The following RGS7BP variants were observed in gnomAD, a reference collection of about 807,000 sequenced individuals.
RGS7BP encodes the protein regulator of G protein signaling 7 binding protein.
Under a neutral mutation model 31.3 loss-of-function variants are expected in RGS7BP, and 9 were observed. The observed-to-expected ratio is 0.29, with a 90% CI of 0.17 to 0.50. RGS7BP has a LOEUF of 0.50. Among genes scored for constraint, RGS7BP ranks in the 20% least tolerant of loss-of-function variants. The pLI is 0.98. For missense variants in RGS7BP, 274 were observed against 322.0 expected (o/e 0.85, Z 1.14); for synonymous variants, 115 against 120.1 (o/e 0.96, Z 0.28).
intron 2 of RGS7BP, among the ~76,000 whole-genome samples, chr5:64,534,254 G>A (rs957544360): frequency 1.4e-5 from 1 of 71,656 alleles, no homozygotes; most frequent in Non-Finnish European, 3.5e-5. Context: ...TGACAGACTG[G>A]AGTGTGGTGA....
rs1191560944 is a variant in RGS7BP at position 64,538,546 on chromosome 5, C to CTTTTTTTTT, written c.332+30689_332+30697dup. Among the ~76,000 whole-genome samples the CTTTTTTTTT allele has an allele frequency of 3.7e-4, 15 of 40,036 alleles. 1 individual carries two copies. Among genetic ancestry groups the CTTTTTTTTT allele is most frequent in the African/African-American group, 4.5e-4 (4 of 8,978 alleles). The allele number at this position is 40,036 out of a possible 152,430, so 26.3% of individuals were successfully genotyped here. A position where few individuals can be genotyped will look rare whatever the true frequency, so the allele number is the denominator to read the frequency against. On this transcript the variant is annotated intron_variant, in intron 2 of 5. Coordinates refer to ENST00000334025, the MANE Select transcript of RGS7BP (RefSeq NM_001029875.3). The stretch of plus-strand genomic sequence containing the variant: ...TTCTTTTCTTTTTTTTTTTCCTTTT[C>CTTTTTTTTT]TTTTTTTTTTTTTTTTTTTTTTTTT...
intron 5 of RGS7BP, among the ~76,000 whole-genome samples, chr5:64,600,417 T>C (rs753732193): frequency 3.2e-4 from 48 of 152,330 alleles, no homozygotes; most frequent in Admixed American, 1.1e-3. Context: ...TGGTCATTTA[T>C]AATCATAAAG....
intron 2 of RGS7BP, among the ~76,000 whole-genome samples, chr5:64,535,159 G>A (rs1365737455): frequency 6.6e-6 from 1 of 152,146 alleles, no homozygotes; most frequent in African/African-American, 2.4e-5. Flanking sequence ...TGGATTGGAG[G>A]GCTGAAGAGA....
chr5:64,506,362 C>A lies in RGS7BP; in HGVS notation c.-263C>A. ...CCGCGCCAGCGCCCAGCTCCCGGGA[C>A]AGGGTCGGCAATGCTGCTGAGCAGA... On this transcript the variant is annotated 5_prime_UTR_variant, in exon 1 of 6. Coordinates refer to ENST00000334025, the MANE Select transcript of RGS7BP (RefSeq NM_001029875.3). This position sits in a 1 kb window ranked among gnomAD's most constrained non-coding sequence, Gnocchi z 4.6. 1 of 349,974 alleles carries A rather than the reference C, an allele frequency of 2.9e-6. No homozygotes were observed. Among genetic ancestry groups the A allele is most frequent in the East Asian group, 4.2e-5 (1 of 23,650 alleles). 21.7% of individuals were successfully genotyped at this position (349,974 alleles called of 1,614,324 possible).
chr5:64,598,880 A>C lies in RGS7BP; in HGVS notation c.682+445A>C, dbSNP rs145209376. Among the ~76,000 whole-genome samples the C allele has an allele frequency of 2.3e-3, 358 of 152,372 alleles. 2 individuals carry two copies. The highest frequency in any genetic ancestry group is 8.4e-3 in the African/African-American group (350 of 41,600). ...ACTTATTTAATTCTAAACAACTTTG[A>C]GGGAAATGCTATTAGTGTTTCCCAA... is the stretch of plus-strand genomic sequence containing the variant. On this transcript the variant is annotated intron_variant, in intron 5 of 5. Transcript: ENST00000334025.
rs1743476100 is a variant in RGS7BP, at chr5:64,610,534, T to C, written c.*1282T>C. On this transcript the variant is annotated 3_prime_UTR_variant, in exon 6 of 6. Transcript: ENST00000334025. ...CTTCAAGTCAGACAGGAGGCACCAGTGTCCAGTACAATAGAAGGATGAGCT... is the reference window on the plus strand; with the variant it reads ...CTTCAAGTCAGACAGGAGGCACCAGCGTCCAGTACAATAGAAGGATGAGCT... 6.6e-6 allele frequency: 1 copy of C among 152,096 alleles called. No homozygotes were observed. Among genetic ancestry groups the C allele is most frequent in the South Asian group, 2.1e-4 (1 of 4,824 alleles). The allele number at this position is 152,096 out of a possible 1,614,324, so 9.4% of individuals were successfully genotyped here. A position where few individuals can be genotyped will look rare whatever the true frequency, so the allele number is the denominator to read the frequency against.
At position 64,550,022 on chromosome 5, in the gene RGS7BP, T is replaced by C. The variant is rs1413636973; in HGVS notation, c.333-25752T>C. Among the ~76,000 whole-genome samples, 3 of 152,226 alleles carry C rather than the reference T, an allele frequency of 2.0e-5. No individual in the cohort carries two copies. In the South Asian group the frequency reaches 6.2e-4, roughly 32 times the overall value. ...TTGTTACTTTATAACAAGGATCATC[T>C]TTCCTGCAGTTTCCAAAATATGTTC... is the stretch of plus-strand genomic sequence containing the variant. On this transcript the variant is annotated intron_variant, in intron 2 of 5. Transcript: ENST00000334025.
At chr5:64,594,449 G>C (rs1019894221) in intron 3 of RGS7BP, among the ~76,000 whole-genome samples, 1 of 151,986 alleles carries the variant, frequency 6.6e-6, no homozygotes, top group Non-Finnish European at 1.5e-5. Flanking sequence ...TCAAAGACAG[G>C]GGCTTTAATA....
intron 2 of RGS7BP, among the ~76,000 whole-genome samples, chr5:64,534,851 T>C (rs1179641586): frequency 6.6e-6 from 1 of 152,116 alleles, no homozygotes; most frequent in Non-Finnish European, 1.5e-5. Context: ...TGAGTTCATG[T>C]AGGGAGATGA....
chr5:64,578,296 C>T (rs903877385), intron 3 of RGS7BP, among the ~76,000 whole-genome samples: 4 of 152,148 alleles, frequency 2.6e-5, no homozygotes, highest in African/African-American at 7.2e-5. Flanking sequence ...GTGTACAACT[C>T]GTAAAAAGAA....
chr5:64,587,111 G>A (rs916276024), intron 3 of RGS7BP, among the ~76,000 whole-genome samples: 2 of 152,104 alleles, frequency 1.3e-5, no homozygotes, highest in Admixed American at 6.6e-5. Flanking sequence ...AAACCTGAGC[G>A]ATCGTATAGG....
chr5:64,550,234 G>A (rs1022923087), intron 2 of RGS7BP, among the ~76,000 whole-genome samples: 6 of 152,184 alleles, frequency 3.9e-5, no homozygotes, highest in Non-Finnish European at 8.8e-5. Context: ...TTAAACAACA[G>A]ACACTGATTT....
chr5:64,607,908 G>C (rs575031041), intron 5 of RGS7BP, among the ~76,000 whole-genome samples: 2 of 152,126 alleles, frequency 1.3e-5, no homozygotes, highest in South Asian at 4.1e-4. Context: ...ACAGCATCTA[G>C]GCTCAGTAAT....
At chr5:64,578,874 A>G (rs2111909045) in intron 3 of RGS7BP, among the ~76,000 whole-genome samples, 1 of 152,354 alleles carries the variant, frequency 6.6e-6, no homozygotes, top group Non-Finnish European at 1.5e-5. Context: ...ATTTGTTAGA[A>G]TTGCAAATTC....
intron 4 of RGS7BP, among the ~76,000 whole-genome samples, chr5:64,597,100 C>T (rs549590779): frequency 6.6e-6 from 1 of 152,224 alleles, no homozygotes; most frequent in Admixed American, 6.5e-5. Context: ...AAATTATGTT[C>T]CTGGCTATTT....
chr5:64,604,893 G>T (rs957230040), intron 5 of RGS7BP, among the ~76,000 whole-genome samples: 4 of 152,078 alleles, frequency 2.6e-5, no homozygotes, highest in African/African-American at 9.7e-5. Flanking sequence ...GTTGAGGCTG[G>T]GTATGGTGGC....
In RGS7BP at chr5:64,560,644, G is replaced by C. The variant is rs186918978; in HGVS notation, c.333-15130G>C. Among the ~76,000 whole-genome samples the C allele has an allele frequency of 8.6e-5, 13 of 151,832 alleles. No individual in the cohort carries two copies. In the East Asian group the frequency reaches 2.3e-3, roughly 27 times the overall value. On this transcript the variant is annotated intron_variant, in intron 2 of 5. Coordinates refer to ENST00000334025, the MANE Select transcript of RGS7BP (RefSeq NM_001029875.3). ...TAGAAATGCATGATATACAAAATTT[G>C]AAGACCACTTGTCTCAGCATAATAT...
chr5:64,542,928 T>C (rs1420163742), intron 2 of RGS7BP, among the ~76,000 whole-genome samples: 1 of 152,222 alleles, frequency 6.6e-6, no homozygotes, highest in East Asian at 1.9e-4. Flanking sequence ...GGAGAACTCC[T>C]TTACCCTCTT....
chr5:64,519,797 T>C (rs1006715379), intron 2 of RGS7BP, among the ~76,000 whole-genome samples: 5 of 152,174 alleles, frequency 3.3e-5, no homozygotes, highest in Non-Finnish European at 1.5e-5. Context: ...GAAGATACTG[T>C]TTTTAAAGGC....
Sources: gnomAD v4.1 joint callset for allele counts (sites outside exome capture counted in the v4.1 genomes callset) on GRCh38, gnomAD v4.1.1 for gene constraint, Gnocchi (gnomAD v3.1) non-coding constraint, MANE v1.5 for transcripts, NCBI Gene and HGNC (gene_info 2026-07-23, HGNC 2026-07-21) for gene names.